Variants in MAPK10 observed in about 807,000 individuals in gnomAD.
MAPK10 encodes mitogen-activated protein kinase 10, also known as JNK3 alpha protein kinase.
Under a neutral mutation model 59.3 loss-of-function variants are expected in MAPK10, and 25 were observed. That is an observed-to-expected ratio of 0.42 (90% confidence interval 0.31 to 0.59). The LOEUF (loss-of-function observed/expected upper bound fraction) is 0.59. Ranked by LOEUF, MAPK10 falls within the 20% of genes least tolerant of loss-of-function variation. MAPK10 has a pLI of 0.15. For missense variants in MAPK10, 351 were observed against 568.9 expected (o/e 0.62, Z 3.90); for synonymous variants, 190 against 200.5 (o/e 0.95, Z 0.44).
intron 2 of MAPK10, among the ~76,000 whole-genome samples, chr4:86,294,583 A>G (rs2095310316): frequency 6.6e-6 from 1 of 152,228 alleles, no homozygotes; most frequent in African/African-American, 2.4e-5. Flanking sequence ...ACATTGAAAA[A>G]TAGCCAGAGC....
intron 2 of MAPK10, among the ~76,000 whole-genome samples, chr4:86,329,275 A>C (rs1413170324): frequency 6.6e-6 from 1 of 152,250 alleles, no homozygotes; most frequent in African/African-American, 2.4e-5. Context: ...GAAATGTTGT[A>C]AACTCTATTG....
At chr4:86,536,733 T>A (rs973347345) in intron 1 of MAPK10, among the ~76,000 whole-genome samples, 2 of 152,246 alleles carry the variant, frequency 1.3e-5, no homozygotes, top group African/African-American at 4.8e-5. Context: ...AATTATTTAG[T>A]AAATGATGAT....
rs747803325 is a variant in MAPK10, at chr4:86,194,362, A to G, written c.40T>C (p.Leu14=). Residue 14 remains leucine (L), a synonymous_variant, in exon 3 of 14, where the codon TTG becomes CTG. Coordinates refer to ENST00000641462, the MANE Select transcript of MAPK10 (RefSeq NM_138982.4). ...TGACAAAAGGCAATTTTCACATCCA[A>G]TGTTGGTTCACTGCAGTAGTATAAG... ...HFLYYCSEPT[L]DVKIAFCQGF... The G allele has an allele frequency of 3.0e-5, 48 of 1,613,532 alleles. 1 individual carries two copies. In the East Asian group the frequency reaches 9.6e-4, roughly 32 times the overall value.
chr4:86,570,072 A>C (rs1761343795), intron 1 of MAPK10, among the ~76,000 whole-genome samples: 1 of 152,228 alleles, frequency 6.6e-6, no homozygotes, highest in Non-Finnish European at 1.5e-5. Flanking sequence ...AAATATCTTC[A>C]TTGCTTAAAA....
In MAPK10 at chr4:86,172,169, T is replaced by C. The variant is rs1228761590; in HGVS notation, c.67-12702A>G. On this transcript the variant is annotated intron_variant, in intron 3 of 13. Transcript: ENST00000641462. ...GCCATTGTGGAAGTCAGTGTGGCGA[T>C]TCCTCAGGGATCTAGAACTAGAAAT... Among the ~76,000 whole-genome samples, 87 of 138,334 alleles carry C rather than the reference T, an allele frequency of 6.3e-4. 1 individual carries two copies. Among genetic ancestry groups the C allele is most frequent in the Middle Eastern group, 3.4e-3 (1 of 290 alleles). The allele number at this position is 138,334 out of a possible 152,430, so 90.8% of individuals were successfully genotyped here. A position where few individuals can be genotyped will look rare whatever the true frequency, so the allele number is the denominator to read the frequency against.
At chr4:86,143,701 G>A (rs1359654819) in intron 4 of MAPK10, among the ~76,000 whole-genome samples, 1 of 152,128 alleles carries the variant, frequency 6.6e-6, no homozygotes, top group Non-Finnish European at 1.5e-5. Context: ...AACATATTAA[G>A]TGCTTCATTA....
chr4:86,451,140 T>C (rs565556034), intron 1 of MAPK10, among the ~76,000 whole-genome samples: 8 of 152,266 alleles, frequency 5.3e-5, no homozygotes, highest in African/African-American at 1.7e-4. Flanking sequence ...AAACCGCTAA[T>C]AATGGAAGCA....
At chr4:86,174,549 C>T (rs772875343) in intron 3 of MAPK10, among the ~76,000 whole-genome samples, 88 of 152,142 alleles carry the variant, frequency 5.8e-4, no homozygotes, top group Non-Finnish European at 5.6e-4. Flanking sequence ...CATCATGGCA[C>T]ATATTTACCT....
chr4:86,515,689 T>A (rs919451640), intron 1 of MAPK10, among the ~76,000 whole-genome samples: 4 of 152,078 alleles, frequency 2.6e-5, no homozygotes, highest in Non-Finnish European at 4.4e-5. Context: ...GATTATTTGT[T>A]TTTTTTCTTG....
chr4:86,578,554 T>C (rs1762049641), intron 1 of MAPK10, among the ~76,000 whole-genome samples: 1 of 152,202 alleles, frequency 6.6e-6, no homozygotes, highest in Non-Finnish European at 1.5e-5. Context: ...GTGTGTTGTT[T>C]TTCACTGTTC....
chr4:86,491,195 C>A (rs1457600805), intron 1 of MAPK10, among the ~76,000 whole-genome samples: 2 of 152,160 alleles, frequency 1.3e-5, no homozygotes, highest in Admixed American at 1.3e-4. Context: ...CCCACAGACA[C>A]AGGCAAAGGA....
At chr4:86,476,088 G>T (rs1753067769) in intron 1 of MAPK10, among the ~76,000 whole-genome samples, 1 of 151,982 alleles carries the variant, frequency 6.6e-6, no homozygotes, top group Non-Finnish European at 1.5e-5. Flanking sequence ...TTTACACATT[G>T]TTCCCTCCCT....
intron 2 of MAPK10, among the ~76,000 whole-genome samples, chr4:86,284,938 G>T (rs1367906938): frequency 1.3e-5 from 2 of 152,170 alleles, no homozygotes; most frequent in Non-Finnish European, 2.9e-5. Context: ...TCTCAGAAAA[G>T]CAGGATTTTT....
At chr4:86,304,029 G>C (rs1476048932) in intron 2 of MAPK10, among the ~76,000 whole-genome samples, 2 of 152,060 alleles carry the variant, frequency 1.3e-5, no homozygotes, top group African/African-American at 4.8e-5. Context: ...AGTCTTGAAC[G>C]GTTTATTCTG....
intron 1 of MAPK10, among the ~76,000 whole-genome samples, chr4:86,507,659 T>G (rs1241053726): frequency 6.0e-5 from 6 of 99,732 alleles, no homozygotes; most frequent in South Asian, 2.9e-4. Context: ...TATATATATA[T>G]ATATATATAT....
chr4:86,467,651 C>G (rs1752321402), intron 1 of MAPK10, among the ~76,000 whole-genome samples: 2 of 152,258 alleles, frequency 1.3e-5, no homozygotes, highest in East Asian at 3.9e-4. Flanking sequence ...TCCTGAGTAG[C>G]TGGGATTACA....
intron 4 of MAPK10, among the ~76,000 whole-genome samples, chr4:86,126,710 C>T (rs1030210948): frequency 5.9e-5 from 9 of 152,122 alleles, no homozygotes; most frequent in Admixed American, 4.6e-4. Flanking sequence ...TACAACTGAA[C>T]ACCTCTAATT....
chr4:86,031,493 A>C, intron 11 of MAPK10, 62 bp from the exon 12 acceptor site: 1 of 1,090,944 alleles, frequency 9.2e-7, no homozygotes. Flanking sequence ...AAACTCTTAC[A>C]ATGCACGAGA....
intron 1 of MAPK10, among the ~76,000 whole-genome samples, chr4:86,412,989 T>G (rs1177044183): frequency 1.3e-5 from 2 of 152,134 alleles, no homozygotes; most frequent in East Asian, 3.9e-4. Flanking sequence ...GGCGCTCCGG[T>G]TTTTGGCATT....
Sources: gnomAD v4.1 joint callset for allele counts (sites outside exome capture counted in the v4.1 genomes callset) on GRCh38, gnomAD v4.1.1 for gene constraint, MANE v1.5 for transcripts, NCBI Gene and HGNC (gene_info 2026-07-23, HGNC 2026-07-21) for gene names.